RNF20: variants seen among roughly 807,000 people sequenced by gnomAD.
RNF20 encodes ring finger protein 20.
Under a neutral mutation model 126.2 loss-of-function variants are expected in RNF20, and 84 were observed. The ratio of observed to expected loss-of-function variants is 0.67; its 90% confidence interval spans 0.56 to 0.80. The LOEUF (loss-of-function observed/expected upper bound fraction) is 0.80, where lower values mean the gene tolerates loss of function less well. RNF20 is among the 30% of genes least tolerant of loss of function. The pLI, the probability that RNF20 is intolerant of heterozygous loss-of-function variation, is 0.00. For missense variants in RNF20, 869 were observed against 1,188.2 expected (o/e 0.73, Z 3.95); for synonymous variants, 400 against 414.3 (o/e 0.97, Z 0.42).
At chr9:101,560,416 A>G (rs1300256246) in intron 16 of RNF20, among the ~76,000 whole-genome samples, 1 of 152,192 alleles carries the variant, frequency 6.6e-6, no homozygotes, top group Admixed American at 6.6e-5. Context: ...TACTTTGTGC[A>G]TTAATTTCAA....
rs778109399 is a variant in RNF20 at position 101,552,555 on chromosome 9, A to T, written c.1703A>T (p.Glu568Val). The T allele has an allele frequency of 1.2e-6, 2 of 1,612,782 alleles. No homozygotes were observed. Among genetic ancestry groups the T allele is most frequent in the Non-Finnish European group, 1.7e-6 (2 of 1,178,842 alleles). ...NEIKSKRDEE[E>V]RERERREKER... Reference sequence around the variant, plus strand: ...ATCAAGTCTAAACGGGATGAAGAAGAACGAGAACGAGAAAGGAGGGAGAAG... The same window carrying T: ...ATCAAGTCTAAACGGGATGAAGAAGTACGAGAACGAGAAAGGAGGGAGAAG... The change falls in exon 13 of 20, where the codon GAA becomes GTA. Residue 568 changes from glutamate to valine, a missense_variant. By Grantham distance (121) the Glu-to-Val change is moderately radical. This residue lies in a region of RNF20 where 231 missense variants were observed against 263.6 expected (regional missense o/e 0.88). Transcript: ENST00000389120.
intron 10 of RNF20, among the ~76,000 whole-genome samples, chr9:101,551,113 G>T (rs1448500115): frequency 1.3e-5 from 2 of 152,112 alleles, no homozygotes; most frequent in African/African-American, 4.8e-5. Flanking sequence ...AAAAAGTAAG[G>T]TATAAATATT....
chr9:101,553,968 C>A lies in RNF20; in HGVS notation c.1902-20C>A, dbSNP rs1339814291. The A allele has an allele frequency of 2.9e-6, 4 of 1,400,494 alleles. No individual in the cohort carries two copies. Among genetic ancestry groups the A allele is most frequent in the African/African-American group, 2.8e-5 (2 of 70,404 alleles). The allele number at this position is 1,400,494 out of a possible 1,614,324, so 86.8% of individuals were successfully genotyped here. A position where few individuals can be genotyped will look rare whatever the true frequency, so the allele number is the denominator to read the frequency against. On this transcript the variant is annotated intron_variant, in intron 13 of 19. Coordinates refer to ENST00000389120, the MANE Select transcript of RNF20 (RefSeq NM_019592.7). ...TTTTCTTATTACATTGTTCCCCTCC[C>A]TCTACTACGCCTGTCATAGGAAGGC...
chr9:101,549,575 C>T (rs977892168), intron 9 of RNF20, among the ~76,000 whole-genome samples: 33 of 152,012 alleles, frequency 2.2e-4, no homozygotes, highest in Middle Eastern at 3.4e-3. Flanking sequence ...AAACTCCTCC[C>T]GGGAAAGGGA....
In RNF20 at chr9:101,535,496, G is replaced by A; in HGVS notation, c.73G>A (p.Val25Ile). 3.1e-6 allele frequency: 5 copies of A among 1,613,966 alleles called. No individual in the cohort carries two copies. The highest frequency in any genetic ancestry group is 4.2e-6 in the Non-Finnish European group (5 of 1,179,882). ...CATGCCTCCTGAGAAGAAGGCAGCT[G>A]TTGAAGATTCAGGGACCACAGTGGA... ...TSMPPEKKAA[V>I]EDSGTTVETI... The change falls in exon 2 of 20, where the codon GTT (valine) becomes ATT (isoleucine). Residue 25 changes from valine (V) to isoleucine (I), a missense_variant. This residue lies in a region of RNF20 where 157 missense variants were observed against 236.0 expected (regional missense o/e 0.67). Transcript: ENST00000389120.
chr9:101,557,716 A>G, intron 16 of RNF20, 120 bp downstream of exon 16: 2 of 688,590 alleles, frequency 2.9e-6, no homozygotes, highest in Non-Finnish European at 2.5e-6. Context: ...TTTGAAAACT[A>G]AATGTTCATC....
intron 5 of RNF20, among the ~76,000 whole-genome samples, chr9:101,541,978 C>T (rs1412906758): frequency 6.6e-6 from 1 of 152,108 alleles, no homozygotes; most frequent in Non-Finnish European, 1.5e-5. Context: ...AAAAAAATGC[C>T]TTGATTTCAT....
rs777635579 is a variant in RNF20 at position 101,546,812 on chromosome 9, G to C, written c.748-8G>C. Reference sequence around the variant, plus strand: ...ATATGTTTCTGAATGTTTGTCTTTGGGATGTAGTTCTCCAAGTTGCAGAGT... The same window carrying C: ...ATATGTTTCTGAATGTTTGTCTTTGCGATGTAGTTCTCCAAGTTGCAGAGT... On this transcript the variant is annotated splice_polypyrimidine_tract_variant and splice_region_variant and intron_variant, in intron 6 of 19. Coordinates refer to ENST00000389120, the MANE Select transcript of RNF20 (RefSeq NM_019592.7). 6.2e-7 allele frequency: 1 copy of C among 1,613,570 alleles called. No homozygotes were observed. Among genetic ancestry groups the C allele is most frequent in the African/African-American group, 1.3e-5 (1 of 74,876 alleles).
chr9:101,534,909 CTTTT>C (rs200245240), intron 1 of RNF20, among the ~76,000 whole-genome samples: 2 of 139,802 alleles, frequency 1.4e-5, no homozygotes, highest in African/African-American at 2.6e-5. Context: ...CCTTGACTTT[CTTTT>C]TTTTTTTTTT....
intron 1 of RNF20, 82 bp downstream of exon 1, chr9:101,533,996 AC>A (rs373107976): frequency 2.6e-5 from 4 of 152,154 alleles, no homozygotes; most frequent in African/African-American, 9.7e-5. Flanking sequence ...GCCCAACAGG[AC>A]TGTGCCAGGC....
rs1301474444 is a variant in RNF20 at position 101,561,000 on chromosome 9, C to T, written c.2508+74C>T. On this transcript the variant is annotated intron_variant, in intron 17 of 19. Coordinates refer to ENST00000389120, the MANE Select transcript of RNF20 (RefSeq NM_019592.7). Reference sequence around the variant, plus strand: ...TATAACACTGTTGAGATTGTAAGTTCGCTTTATTCCTTCAACTTGGGCTAA... The same window carrying T: ...TATAACACTGTTGAGATTGTAAGTTTGCTTTATTCCTTCAACTTGGGCTAA... 98 of 1,594,742 alleles carry T rather than the reference C, an allele frequency of 6.1e-5. 1 individual carries two copies. Among genetic ancestry groups the T allele is most frequent in the East Asian group, 6.7e-5 (3 of 44,678 alleles).
chr9:101,539,591 G>C (rs565195845), intron 2 of RNF20, among the ~76,000 whole-genome samples: 1 of 152,176 alleles, frequency 6.6e-6, no homozygotes, highest in Non-Finnish European at 1.5e-5. Context: ...CTGGAAAGAC[G>C]TGGTGTTTTT....
chr9:101,536,338 T>C (rs967416246), intron 2 of RNF20, among the ~76,000 whole-genome samples: 3 of 152,234 alleles, frequency 2.0e-5, no homozygotes, highest in African/African-American at 7.2e-5. Context: ...TTAAAATGTT[T>C]TACATTTTGT....
intron 16 of RNF20, among the ~76,000 whole-genome samples, chr9:101,559,155 G>A (rs1038940665): frequency 1.3e-5 from 2 of 152,076 alleles, no homozygotes; most frequent in Non-Finnish European, 2.9e-5. Flanking sequence ...GTTGAATAGG[G>A]TGTCCCTTCC....
chr9:101,535,332 A>G (rs1229660350), intron 1 of RNF20, 66 bp from the exon 2 acceptor site: 16 of 1,333,936 alleles, frequency 1.2e-5, no homozygotes, highest in East Asian at 2.4e-5. Flanking sequence ...TTTTTACTCT[A>G]TTGTTTTACT....
chr9:101,542,658 G>C (rs1264974019), intron 5 of RNF20, among the ~76,000 whole-genome samples: 2 of 152,106 alleles, frequency 1.3e-5, no homozygotes, highest in Non-Finnish European at 2.9e-5. Flanking sequence ...TTAAATTTTA[G>C]TAATATGGTA....
At chr9:101,535,165 C>G (rs951132859) in intron 1 of RNF20, among the ~76,000 whole-genome samples, 10 of 151,978 alleles carry the variant, frequency 6.6e-5, no homozygotes, top group African/African-American at 2.4e-4. Flanking sequence ...CCTCGGCCTC[C>G]CAAAGTGCTG....
At chr9:101,560,397 G>C (rs1026514657) in intron 16 of RNF20, among the ~76,000 whole-genome samples, 1 of 152,076 alleles carries the variant, frequency 6.6e-6, no homozygotes, top group Non-Finnish European at 1.5e-5. Flanking sequence ...CTTTAATATT[G>C]TTTGATTCTA....
chr9:101,552,655 A>G lies in RNF20; in HGVS notation c.1803A>G (p.Glu601=). The change falls in exon 13 of 20, where the codon GAA becomes GAG. Residue 601 remains glutamate, a synonymous_variant. Coordinates refer to ENST00000389120, the MANE Select transcript of RNF20 (RefSeq NM_019592.7). ...AGAAGCAGAAGCTAAAAGAGTCAGA[A>G]AAAGAGAGAGATTCTGCTAAGGATA... ...EREKQKLKES[E]KERDSAKDKE... 1 of 1,527,466 alleles carries G rather than the reference A, an allele frequency of 6.5e-7. No individual in the cohort carries two copies. Among genetic ancestry groups the G allele is most frequent in the South Asian group, 1.1e-5 (1 of 89,350 alleles). 94.6% of individuals were successfully genotyped at this position (1,527,466 alleles called of 1,614,324 possible).
Sources: allele counts gnomAD v4.1 joint callset (sites outside exome capture counted in the v4.1 genomes callset), GRCh38; gene constraint gnomAD v4.1.1; regional missense constraint gnomAD v4.1.1; transcripts MANE v1.5; gene names NCBI Gene and HGNC (gene_info 2026-07-23, HGNC 2026-07-21).